Variants in PLEKHG1 observed in about 807,000 individuals in gnomAD.
PLEKHG1 encodes pleckstrin homology and RhoGEF domain containing G1, also known as pleckstrin homology domain-containing family G member 1.
In PLEKHG1, 44 loss-of-function variants were observed where a neutral mutation model predicts 100.8. The ratio of observed to expected loss-of-function variants is 0.44; its 90% CI spans 0.34 to 0.56. The LOEUF is 0.56. PLEKHG1 is among the 20% of genes least tolerant of loss of function. The pLI is 0.01. For synonymous variants in PLEKHG1, 640 were observed against 662.5 expected (o/e 0.97, Z 0.52); for missense variants, 1,545 against 1,720.9 (o/e 0.90, Z 1.81).
intron 2 of PLEKHG1, among the ~76,000 whole-genome samples, chr6:150,757,639 G>A (rs1783916896): frequency 6.6e-6 from 1 of 152,152 alleles, no homozygotes; most frequent in Non-Finnish European, 1.5e-5. Context: ...CCTGTGTGAA[G>A]TGTTAGAACA....
intron 1 of PLEKHG1, among the ~76,000 whole-genome samples, chr6:150,618,504 C>T (rs1028320431): frequency 1.3e-5 from 2 of 152,188 alleles, no homozygotes; most frequent in African/African-American, 4.8e-5. Flanking sequence ...ACATTAAATT[C>T]AGAGTGGGGA....
intron 1 of PLEKHG1, chr6:150,605,583 T>G (rs2047003): frequency 1.3e-5 from 2 of 152,048 alleles, no homozygotes; most frequent in African/African-American, 4.8e-5. Flanking sequence ...GAGAGACAGT[T>G]TCCATGGAGA....
chr6:150,700,245 A>C (rs1040257914), intron 3 of PLEKHG1, among the ~76,000 whole-genome samples: 1 of 152,202 alleles, frequency 6.6e-6, no homozygotes, highest in Non-Finnish European at 1.5e-5. Flanking sequence ...GATCTGGAAG[A>C]TGCACAGTGA....
intron 1 of PLEKHG1, among the ~76,000 whole-genome samples, chr6:150,721,800 G>A (rs527657804): frequency 1.1e-4 from 17 of 152,236 alleles, no homozygotes; most frequent in Non-Finnish European, 1.8e-4. Flanking sequence ...ATTCAATGCC[G>A]TTGTCCATTG....
intron 3 of PLEKHG1, among the ~76,000 whole-genome samples, chr6:150,774,462 A>G (rs1016100044): frequency 6.6e-6 from 1 of 150,722 alleles, no homozygotes; most frequent in Admixed American, 6.6e-5. Context: ...TTTGAATCAT[A>G]TGTAACATTA....
At position 150,815,218 on chromosome 6, in the gene PLEKHG1, A is replaced by G. The variant is rs189384629; in HGVS notation, c.1279-2965A>G. On this transcript the variant is annotated intron_variant, in intron 10 of 15. Coordinates refer to ENST00000358517, the Ensembl canonical transcript of PLEKHG1. ...GGAAATTTTAAACATCAAGAAATGTATCACCAGTCTAATAATGTCAACACA... is the reference window on the plus strand; with the variant it reads ...GGAAATTTTAAACATCAAGAAATGTGTCACCAGTCTAATAATGTCAACACA... 2.0e-5 allele frequency among the ~76,000 whole-genome samples: 3 copies of G among 152,324 alleles called. No homozygotes were observed. In the East Asian group the frequency reaches 5.8e-4, roughly 29 times the overall value.
At chr6:150,691,060 A>G (rs902839293) in intron 3 of PLEKHG1, among the ~76,000 whole-genome samples, 5 of 152,266 alleles carry the variant, frequency 3.3e-5, no homozygotes, top group African/African-American at 1.2e-4. Flanking sequence ...CAGAGTTGGC[A>G]CACAGTGAAT....
chr6:150,613,903 ATCT>A (rs1407657906), intron 1 of PLEKHG1, among the ~76,000 whole-genome samples: 2 of 152,206 alleles, frequency 1.3e-5, no homozygotes, highest in African/African-American at 4.8e-5. Context: ...CAACTGAGAA[ATCT>A]TCTTTATAAC....
chr6:150,637,996 C>A (rs1357371646), intron 1 of PLEKHG1: 2 of 152,108 alleles, frequency 1.3e-5, no homozygotes, highest in African/African-American at 2.4e-5. Context: ...CATATAAATG[C>A]TATCATTTAG....
intron 3 of PLEKHG1, among the ~76,000 whole-genome samples, chr6:150,685,618 C>T (rs987166233): frequency 6.9e-6 from 1 of 143,968 alleles, no homozygotes; most frequent in Non-Finnish European, 1.5e-5. Context: ...TCGACTTTCT[C>T]TCTGACCACA....
At chr6:150,656,885 A>G (rs1338192131) in intron 3 of PLEKHG1, among the ~76,000 whole-genome samples, 1 of 152,170 alleles carries the variant, frequency 6.6e-6, no homozygotes, top group East Asian at 1.9e-4. Flanking sequence ...ACAATATACC[A>G]TTCACTCTAG....
rs113193653 is a variant in PLEKHG1 at position 150,752,274 on chromosome 6, T to C, written c.412-16364T>C. Among the ~76,000 whole-genome samples, 321 of 152,352 alleles carry C rather than the reference T, an allele frequency of 2.1e-3. 2 individuals are homozygous for C. Among genetic ancestry groups the C allele is most frequent in the African/African-American group, 7.4e-3 (308 of 41,582 alleles). ...TTATAATGAACTTTGTAAAGGTTTT[T>C]CATTGTGGGAAGACATACATAACTT... On this transcript the variant is annotated intron_variant, in intron 2 of 15. Transcript: ENST00000358517.
chr6:150,624,941 A>G (rs1175306696), intron 1 of PLEKHG1: 5 of 152,182 alleles, frequency 3.3e-5, no homozygotes, highest in African/African-American at 1.2e-4. Flanking sequence ...CTGTAATCCC[A>G]ACACTTTGGG....
At chr6:150,738,006 A>T (rs1398240608) in intron 2 of PLEKHG1, among the ~76,000 whole-genome samples, 1 of 150,070 alleles carries the variant, frequency 6.7e-6, no homozygotes, top group Non-Finnish European at 1.5e-5. Flanking sequence ...TAGAGACAGG[A>T]TCTCAATATG....
intron 3 of PLEKHG1, among the ~76,000 whole-genome samples, chr6:150,779,863 G>T (rs1235042571): frequency 2.6e-5 from 4 of 151,560 alleles, no homozygotes; most frequent in Non-Finnish European, 5.9e-5. Flanking sequence ...CTACTCAGGA[G>T]GCTGAGGGAG....
intron 1 of PLEKHG1, among the ~76,000 whole-genome samples, chr6:150,618,794 G>C (rs954083351): frequency 6.6e-6 from 1 of 152,186 alleles, no homozygotes; most frequent in African/African-American, 2.4e-5. Flanking sequence ...AGAAATGATG[G>C]AAAGGGAAAA....
At chr6:150,832,127 G>A in exon 15 of PLEKHG1, 1 of 1,613,784 alleles carries the variant, frequency 6.2e-7, no homozygotes, top group Non-Finnish European at 8.5e-7. Context: ...GCAGCCGCCG[G>A]CCAGTCAGCA....
chr6:150,791,678 A>G (rs1279537164), intron 4 of PLEKHG1, among the ~76,000 whole-genome samples: 1 of 136,678 alleles, frequency 7.3e-6, no homozygotes, highest in East Asian at 2.0e-4. Flanking sequence ...TCAAAAAAGA[A>G]AAAAAAAAAA....
chr6:150,689,741 G>T (rs547810146), intron 3 of PLEKHG1, among the ~76,000 whole-genome samples: 1 of 152,074 alleles, frequency 6.6e-6, no homozygotes, highest in Non-Finnish European at 1.5e-5. Flanking sequence ...TGTAATGCCA[G>T]CTACACAGGA....
Sources: gnomAD v4.1 joint callset for allele counts (sites outside exome capture counted in the v4.1 genomes callset) on GRCh38, gnomAD v4.1.1 for gene constraint, MANE v1.5 for transcripts, NCBI Gene and HGNC (gene_info 2026-07-23, HGNC 2026-07-21) for gene names.